SMN1: variants seen among roughly 807,000 people sequenced by gnomAD.
SMN1 encodes survival of motor neuron 1, telomeric.
For missense variants in SMN1, 15 were observed against 17.1 expected, an observed-to-expected ratio of 0.88 and a Z score of 0.22; for synonymous variants, 3 against 5.1, an observed-to-expected ratio of 0.58 and a Z score of 0.56.
chr5:70,956,758 C>T (rs1367469869), downstream of SMN1, among the ~76,000 whole-genome samples: 14 of 148,898 alleles, frequency 9.4e-5, no homozygotes, highest in African/African-American at 2.9e-4. Context: ...GTGATGCCTC[C>T]AGCTTTGTTC....
the SMN1 span, among the ~76,000 whole-genome samples, chr5:70,959,128 T>A: frequency 6.7e-6 from 1 of 149,648 alleles, no homozygotes; most frequent in Non-Finnish European, 1.5e-5. Context: ...AAATTGGAAA[T>A]CATCATTCTC....
Position 70,950,189 on chromosome 5 carries a change from G to A in SMN1, c.835-1752G>A, listed in dbSNP as rs1444718865. On this transcript the variant is annotated intron_variant, in intron 7 of 8. Coordinates refer to ENST00000380707, the MANE Select transcript of SMN1 (RefSeq NM_000344.4). ...TCCCAACACTTTGGGAGGCCAAGGC[G>A]GGTGAATCACCTGAAGTCGGGAGTT... Among the ~76,000 whole-genome samples, 586 of 149,532 alleles carry A rather than the reference G, an allele frequency of 3.9e-3. 12 individuals carry two copies. The highest frequency in any genetic ancestry group is 3.8e-3 in the Non-Finnish European group (258 of 67,396).
chr5:70,950,984 G>A (rs1749697415), intron 7 of SMN1, among the ~76,000 whole-genome samples: 1 of 151,958 alleles, frequency 6.6e-6, no homozygotes, highest in Non-Finnish European at 1.5e-5. Flanking sequence ...ATGTTGGTCA[G>A]GCTGTTCTCC....
the SMN1 span, among the ~76,000 whole-genome samples, chr5:70,960,514 C>A: frequency 1.4e-5 from 2 of 145,144 alleles, no homozygotes; most frequent in African/African-American, 2.5e-5. Context: ...TTTGTGCCTT[C>A]TGTTTGTGAT....
At chr5:70,950,662 G>T in intron 7 of SMN1, among the ~76,000 whole-genome samples, 1 of 133,494 alleles carries the variant, frequency 7.5e-6, no homozygotes, top group South Asian at 2.7e-4. Flanking sequence ...TTTTTGAGAG[G>T]GTGTCTTGCT....
At chr5:70,950,224 C>T (rs1024773765) in intron 7 of SMN1, among the ~76,000 whole-genome samples, 7 of 148,754 alleles carry the variant, frequency 4.7e-5, no homozygotes, top group Admixed American at 4.1e-4. Context: ...TCCAGATCAG[C>T]CTGACCAACA....
chr5:70,943,417 A>T (rs1357231150), intron 5 of SMN1, among the ~76,000 whole-genome samples: 1 of 562 alleles, frequency 1.8e-3, no homozygotes, highest in African/African-American at 7.2e-3. Context: ...CTGCACTCCA[A>T]CCTGGGCGAC....
intron 8 of SMN1, 111 bp downstream of exon 8, chr5:70,952,105 G>A (rs1749782130): frequency 6.4e-7 from 1 of 1,573,378 alleles, no homozygotes; most frequent in East Asian, 2.3e-5. Flanking sequence ...AAAGTTGAAA[G>A]GTTAATGTAA....
At chr5:70,955,421 C>T (rs1371898098), downstream of SMN1, among the ~76,000 whole-genome samples, 1 of 143,128 alleles carries the variant, frequency 7.0e-6, no homozygotes, top group Non-Finnish European at 1.5e-5. Flanking sequence ...GTACACTTTT[C>T]ACAGTGTACC....
At chr5:70,960,777 C>G in the SMN1 span, among the ~76,000 whole-genome samples, 2 of 147,770 alleles carry the variant, frequency 1.4e-5, 1 homozygote, top group African/African-American at 4.9e-5. Context: ...CTCACTGCAA[C>G]CTCCTCCTCC....
intron 5 of SMN1, among the ~76,000 whole-genome samples, chr5:70,943,622 G>A (rs1580887348): frequency 1.5e-5 from 1 of 66,288 alleles, no homozygotes; most frequent in East Asian, 4.0e-4. Flanking sequence ...GAGTTCAAAT[G>A]TAAATATTGT....
intron 5 of SMN1, 87 bp from the exon 6 acceptor site, chr5:70,944,568 AATT>A (rs1389683338): frequency 2.1e-5 from 2 of 93,206 alleles, no homozygotes; most frequent in Non-Finnish European, 4.1e-5. Flanking sequence ...TATTCTGGGT[AATT>A]ATTTTTATCC....
chr5:70,958,609 T>G (rs1749953274), downstream of SMN1, among the ~76,000 whole-genome samples: 1 of 104,516 alleles, frequency 9.6e-6, no homozygotes. Context: ...TCAGTTTCCA[T>G]GTAGTTGAGT....
chr5:70,955,245 A>G (rs1451735011), downstream of SMN1, among the ~76,000 whole-genome samples: 1 of 144,332 alleles, frequency 6.9e-6, no homozygotes, highest in Non-Finnish European at 1.5e-5. Flanking sequence ...AGCAACAAAC[A>G]AAAAACAAGA....
the SMN1 span, among the ~76,000 whole-genome samples, chr5:70,960,945 C>T: frequency 1.5e-5 from 2 of 137,594 alleles, no homozygotes; most frequent in Non-Finnish European, 3.2e-5. Flanking sequence ...GATCCACCCA[C>T]CTTGGCATCC....
the SMN1 span, among the ~76,000 whole-genome samples, chr5:70,960,538 G>C: frequency 7.0e-6 from 1 of 143,738 alleles, no homozygotes; most frequent in East Asian, 2.0e-4. Context: ...ACTGTTTAAA[G>C]TGATTCCCAA....
At chr5:70,951,901 A>G (rs780152467) in intron 7 of SMN1, 40 bp from the exon 8 acceptor site, 3 of 1,576,516 alleles carry the variant, frequency 1.9e-6, no homozygotes, top group Non-Finnish European at 1.7e-6. Flanking sequence ...ATCTATGTCT[A>G]TATAGCTATT....
At chr5:70,954,880 AAAAAAAAAAAAAAAAAAAAAAAC>A (rs1347508119), downstream of SMN1, among the ~76,000 whole-genome samples, 2 of 9,292 alleles carry the variant, frequency 2.2e-4, no homozygotes, top group Non-Finnish European at 3.1e-4. Flanking sequence ...AAAAAAAAAA[AAAAAAAAAAAAAAAAAAAAAAAC>A]AAAACACGTT....
At chr5:70,955,751 C>T (rs1749890633), downstream of SMN1, among the ~76,000 whole-genome samples, 1 of 148,128 alleles carries the variant, frequency 6.8e-6, no homozygotes, top group South Asian at 2.2e-4. Flanking sequence ...TGCCACTACA[C>T]TCCAGCCTGG....
Sources: allele counts gnomAD v4.1 joint callset (sites outside exome capture counted in the v4.1 genomes callset), GRCh38; gene constraint gnomAD v4.1.1; transcripts MANE v1.5; gene names NCBI Gene and HGNC (gene_info 2026-07-23, HGNC 2026-07-21).